DCAF8L2: variants seen among roughly 807,000 people sequenced by gnomAD.
The protein encoded by DCAF8L2 is DDB1 and CUL4 associated factor 8 like 2.
For missense variants in DCAF8L2, 430 were observed against 490.7 expected, an observed-to-expected ratio of 0.88 and a Z score of 1.17; for synonymous variants, 200 against 190.9, an observed-to-expected ratio of 1.05 and a Z score of -0.39.
chrX:27,745,451 T>A (rs912062976), intron 4 of DCAF8L2, among the ~76,000 whole-genome samples: 3 of 112,455 alleles, frequency 2.7e-5, no homozygotes, highest in East Asian at 5.6e-4. Context: ...TGTATTTAAT[T>A]CTAGTCTAGT....
At chrX:27,625,230 C>G (rs1204185989) in intron 1 of DCAF8L2, among the ~76,000 whole-genome samples, 5 of 111,852 alleles carry the variant, frequency 4.5e-5, no homozygotes, top group African/African-American at 1.3e-4. Context: ...AGGTGGCCAA[C>G]AAGCATATGA....
intron 1 of DCAF8L2, among the ~76,000 whole-genome samples, chrX:27,591,016 A>ATATATATATATATATAT (rs1569153314): frequency 1.7e-3 from 75 of 44,658 alleles, no homozygotes; most frequent in South Asian, 3.4e-3. Context: ...TATATATATA[A>ATATATATATATATATAT]ATAAATAATT....
intron 3 of DCAF8L2, among the ~76,000 whole-genome samples, chrX:27,697,799 G>A (rs1375255075): frequency 9.1e-6 from 1 of 110,281 alleles, no homozygotes; most frequent in Non-Finnish European, 1.9e-5. Flanking sequence ...ACTAGGCAAT[G>A]AGGGAGAATA....
the DCAF8L2 span, among the ~76,000 whole-genome samples, chrX:27,578,681 A>T: frequency 4.5e-5 from 5 of 111,574 alleles, no homozygotes; most frequent in Admixed American, 4.8e-4. Context: ...AATAGCTGGA[A>T]TTCACAAGGA....
the DCAF8L2 span, among the ~76,000 whole-genome samples, chrX:27,556,315 G>C: frequency 6.3e-5 from 7 of 111,518 alleles, no homozygotes; most frequent in African/African-American, 2.0e-4. Flanking sequence ...TACCCCAAAA[G>C]CTCACATGTT....
chrX:27,676,369 A>C (rs1000097756), intron 2 of DCAF8L2, among the ~76,000 whole-genome samples: 5 of 112,034 alleles, frequency 4.5e-5, no homozygotes, highest in Non-Finnish European at 7.5e-5. Context: ...TTTCAACATG[A>C]ATTTACATGG....
At chrX:27,550,592 A>T in the DCAF8L2 span, among the ~76,000 whole-genome samples, 1 of 111,237 alleles carries the variant, frequency 9.0e-6, no homozygotes, top group Admixed American at 9.7e-5. Context: ...TATTAACTAT[A>T]GTTACCCTAC....
the DCAF8L2 span, among the ~76,000 whole-genome samples, chrX:27,475,151 A>T: frequency 9.0e-6 from 1 of 110,910 alleles, no homozygotes; most frequent in Non-Finnish European, 1.9e-5. Context: ...CGATTTTTTC[A>T]TGAGTTACTA....
At chrX:27,531,572 C>G in the DCAF8L2 span, among the ~76,000 whole-genome samples, 2 of 111,869 alleles carry the variant, frequency 1.8e-5, no homozygotes, top group East Asian at 5.6e-4. Flanking sequence ...ATAGTTTATG[C>G]AAAATAATCT....
At chrX:27,570,294 A>G in the DCAF8L2 span, among the ~76,000 whole-genome samples, 1,451 of 111,168 alleles carry the variant, frequency 0.013, 12 homozygotes, top group Middle Eastern at 0.028. Flanking sequence ...AGTGGACAGT[A>G]CTATGACCTA....
chrX:27,598,960 CAAAA>C (rs113747555), intron 1 of DCAF8L2, among the ~76,000 whole-genome samples: 2 of 82,513 alleles, frequency 2.4e-5, no homozygotes, highest in African/African-American at 8.8e-5. Context: ...GAAAGTTTCT[CAAAA>C]AAAAAAAAAA....
At position 27,683,981 on chromosome X, in the gene DCAF8L2, A is replaced by C. The variant is rs150869746; in HGVS notation, c.-143+6069A>C. On this transcript the variant is annotated intron_variant, in intron 3 of 4. Coordinates refer to ENST00000451261, the MANE Select transcript of DCAF8L2 (RefSeq NM_001353450.2). The stretch of plus-strand genomic sequence containing the variant: ...AGGATACACCTATAGTGGAGACCTC[A>C]CTGTCATGTCAAAATACCGCCGCCT... Among the ~76,000 whole-genome samples the C allele has an allele frequency of 8.5e-3, 954 of 112,639 alleles. 5 individuals are homozygous for C. The highest frequency in any genetic ancestry group is 0.029 in the African/African-American group (899 of 31,048).
chrX:27,547,888 TC>T, the DCAF8L2 span, among the ~76,000 whole-genome samples: 1 of 67,701 alleles, frequency 1.5e-5, no homozygotes, highest in Non-Finnish European at 3.0e-5. Context: ...TCTCTCTCTC[TC>T]TTTCTCTCTC....
the DCAF8L2 span, among the ~76,000 whole-genome samples, chrX:27,532,601 C>T: frequency 8.2e-4 from 90 of 110,398 alleles, 1 homozygote; most frequent in African/African-American, 2.6e-3. Context: ...AAACAGATAC[C>T]AAAATCAATG....
At chrX:27,705,450 C>G (rs1336719207) in intron 3 of DCAF8L2, among the ~76,000 whole-genome samples, 1 of 111,549 alleles carries the variant, frequency 9.0e-6, no homozygotes, top group Non-Finnish European at 1.9e-5. Flanking sequence ...TCCCTGTAAA[C>G]ACTTACTATT....
the DCAF8L2 span, among the ~76,000 whole-genome samples, chrX:27,573,254 T>TCTCTCTCTCTCA: frequency 1.0e-5 from 1 of 99,710 alleles, no homozygotes; most frequent in Non-Finnish European, 2.0e-5. Flanking sequence ...TCTCTCTCTC[T>TCTCTCTCTCTCA]CACACACACA....
At chrX:27,620,508 G>A (rs148390375) in intron 1 of DCAF8L2, among the ~76,000 whole-genome samples, 2 of 111,683 alleles carry the variant, frequency 1.8e-5, no homozygotes, top group Non-Finnish European at 3.8e-5. Context: ...AATGTGCAAA[G>A]GGATGAACAA....
the DCAF8L2 span, among the ~76,000 whole-genome samples, chrX:27,472,549 T>C: frequency 0.044 from 4,921 of 110,731 alleles, 281 homozygotes; most frequent in African/African-American, 0.15. Context: ...CCTCCCCTTT[T>C]CCCCACTGAC....
intron 4 of DCAF8L2, among the ~76,000 whole-genome samples, chrX:27,730,508 C>G (rs1429395936): frequency 4.5e-5 from 5 of 110,611 alleles, no homozygotes; most frequent in African/African-American, 1.6e-4. Context: ...ACCTCTGCCC[C>G]CCGGTTTAAA....
Sources: allele counts gnomAD v4.1 joint callset (sites outside exome capture counted in the v4.1 genomes callset), GRCh38; gene constraint gnomAD v4.1.1; transcripts MANE v1.5; gene names NCBI Gene and HGNC (gene_info 2026-07-23, HGNC 2026-07-21).